KAT6A: variants seen among roughly 807,000 people sequenced by gnomAD.
The protein encoded by KAT6A is lysine acetyltransferase 6A.
KAT6A carries 9 observed loss-of-function variants against 198.4 expected under a neutral mutation model. The ratio of observed to expected loss-of-function variants is 0.05; its 90% CI spans 0.03 to 0.08. The LOEUF (loss-of-function observed/expected upper bound fraction) is 0.08, where lower values mean the gene tolerates loss of function less well. KAT6A is among the 10% of genes least tolerant of loss of function. The pLI, the probability that KAT6A is intolerant of heterozygous loss-of-function variation, is 1.00. For synonymous variants in KAT6A, 890 were observed against 883.0 expected (o/e 1.01, Z -0.14); for missense variants, 2,077 against 2,509.9 (o/e 0.83, Z 3.69).
chr8:41,943,494 A>T (rs1004155873), intron 13 of KAT6A, among the ~76,000 whole-genome samples: 8 of 152,186 alleles, frequency 5.3e-5, no homozygotes, highest in Admixed American at 1.3e-4. Flanking sequence ...AAGATGAAAG[A>T]TTCAGTAGCT....
chr8:41,941,090 C>G lies in KAT6A; in HGVS notation c.2791G>C (p.Gly931Arg), dbSNP rs779101695. 6.2e-7 allele frequency: 1 copy of G among 1,614,194 alleles called. No individual in the cohort carries two copies. The highest frequency in any genetic ancestry group is 8.5e-7 in the Non-Finnish European group (1 of 1,180,040). Residue 931 changes from glycine (G) to arginine (R), a missense_variant, in exon 15 of 17, where the codon GGG becomes CGG. Gly to Arg is a moderately radical substitution (Grantham distance 125). This residue lies in a region of KAT6A where 301 missense variants were observed against 272.2 expected (regional missense o/e 1.11). Coordinates refer to ENST00000265713, the MANE Select transcript of KAT6A (RefSeq NM_006766.5). ...VASEEQPSQD[G>R]KPDLPKRRLS... ...CTTCTCTTGGGAAGGTCAGGTTTCC[C>G]GTCCTGGCTTGGCTGCTCCTCAGAA...
intron 2 of KAT6A, among the ~76,000 whole-genome samples, chr8:42,013,971 C>T (rs1351696604): frequency 6.6e-6 from 1 of 152,148 alleles, no homozygotes; most frequent in Non-Finnish European, 1.5e-5. Context: ...GCCGCGGTAC[C>T]GTGAAAGAAG....
In KAT6A at chr8:41,929,655, A is replaced by G. The variant is rs1821428307; in HGVS notation, c.*2550T>C. On this transcript the variant is annotated 3_prime_UTR_variant, in exon 17 of 17. Transcript: ENST00000265713. The stretch of plus-strand genomic sequence containing the variant: ...AGGCATCTAGGCACCCCTTCCCCTT[A>G]GCTTACAAGTCACCATGAACAAAGT... 5.1e-6 allele frequency: 1 copy of G among 194,646 alleles called. No individual in the cohort carries two copies. Among genetic ancestry groups the G allele is most frequent in the Non-Finnish European group, 1.1e-5 (1 of 93,246 alleles). The allele number at this position is 194,646 out of a possible 1,614,324, so 12.1% of individuals were successfully genotyped here.
intron 2 of KAT6A, among the ~76,000 whole-genome samples, chr8:42,003,052 T>C (rs1825570690): frequency 6.6e-6 from 1 of 152,202 alleles, no homozygotes; most frequent in Non-Finnish European, 1.5e-5. Context: ...GCTCAGATTC[T>C]GCACACTTCA....
intron 8 of KAT6A, chr8:41,958,271 A>C (rs555412174): frequency 2.6e-5 from 4 of 152,364 alleles, no homozygotes; most frequent in African/African-American, 9.6e-5. Context: ...CTATTGTGCT[A>C]GACTCTGACC....
chr8:42,050,099 G>A (rs1296495161), intron 1 of KAT6A, among the ~76,000 whole-genome samples: 1 of 152,192 alleles, frequency 6.6e-6, no homozygotes, highest in African/African-American at 2.4e-5. Context: ...GGAAGGCCCA[G>A]AATCACTGGG....
chr8:41,957,268 C>T (rs1477057322), intron 8 of KAT6A: 1 of 565,438 alleles, frequency 1.8e-6, no homozygotes, highest in Non-Finnish European at 3.6e-6. Context: ...CACATGCGCT[C>T]ATGTGTGAGC....
chr8:41,932,089 C>A lies in KAT6A; in HGVS notation c.*116G>T. On this transcript the variant is annotated 3_prime_UTR_variant, in exon 17 of 17. Coordinates refer to ENST00000265713, the MANE Select transcript of KAT6A (RefSeq NM_006766.5). ...AATAAAATAAACCAAAGAAAAATTC[C>A]TCTAAATCTACAGCAATATTTTAAC... 2 of 1,002,468 alleles carry A rather than the reference C, an allele frequency of 2.0e-6. No individual in the cohort carries two copies. Among genetic ancestry groups the A allele is most frequent in the Non-Finnish European group, 2.6e-6 (2 of 762,470 alleles). 62.1% of individuals were successfully genotyped at this position (1,002,468 alleles called of 1,614,324 possible).
intron 2 of KAT6A, among the ~76,000 whole-genome samples, chr8:41,990,180 A>G (rs1173510729): frequency 1.3e-5 from 2 of 152,254 alleles, no homozygotes; most frequent in Admixed American, 6.5e-5. Context: ...TAGTACGGCC[A>G]AGATTTAAAT....
chr8:41,938,907 C>T (rs769983042), intron 15 of KAT6A, among the ~76,000 whole-genome samples: 5 of 147,926 alleles, frequency 3.4e-5, no homozygotes, highest in East Asian at 2.0e-4. Flanking sequence ...GAGATCATGC[C>T]GCTGCACTCC....
At chr8:42,030,633 T>C (rs939028770) in intron 2 of KAT6A, among the ~76,000 whole-genome samples, 5 of 151,990 alleles carry the variant, frequency 3.3e-5, no homozygotes, top group African/African-American at 7.3e-5. Flanking sequence ...GGCGGGATCT[T>C]GGTTCACCGC....
intron 2 of KAT6A, among the ~76,000 whole-genome samples, chr8:42,002,598 CAAAA>C (rs892489206): frequency 1.8e-4 from 28 of 152,108 alleles, no homozygotes; most frequent in African/African-American, 6.3e-4. Context: ...CAAAACAAAA[CAAAA>C]AACCCACACA....
At chr8:42,030,394 C>T (rs1207324179) in intron 2 of KAT6A, among the ~76,000 whole-genome samples, 4 of 152,120 alleles carry the variant, frequency 2.6e-5, no homozygotes, top group Admixed American at 1.3e-4. Flanking sequence ...GGTTCCTCAT[C>T]CTTTCCGTGT....
rs1427623693 is a variant in KAT6A at position 41,977,127 on chromosome 8, T to C, written c.1244A>G (p.Lys415Arg). ...CCCATCAGGGGAAGGGGTAAAAAAT[T>C]TGGTAAGGCCATCAATGAGCCCTTT... ...KTKGLIDGLT[K>R]FFTPSPDGRK... The change falls in exon 7 of 17, where the codon AAA (lysine) becomes AGA (arginine). Residue 415 changes from lysine (K) to arginine (R), a missense_variant. Transcript: ENST00000265713. 2 of 1,613,984 alleles carry C rather than the reference T, an allele frequency of 1.2e-6. No homozygotes were observed. The highest frequency in any genetic ancestry group is 1.3e-5 in the African/African-American group (1 of 74,910).
At chr8:42,021,237 TTA>T (rs1002235067) in intron 2 of KAT6A, among the ~76,000 whole-genome samples, 12 of 152,208 alleles carry the variant, frequency 7.9e-5, no homozygotes, top group African/African-American at 2.9e-4. Context: ...ATATTAAAAT[TTA>T]TGTGTTCATG....
At chr8:42,022,346 A>C (rs563623695) in intron 2 of KAT6A, among the ~76,000 whole-genome samples, 1 of 151,566 alleles carries the variant, frequency 6.6e-6, no homozygotes, top group African/African-American at 2.4e-5. Context: ...CAGCAAAAAA[A>C]CCTAGATATT....
intron 8 of KAT6A, 55 bp downstream of exon 8, chr8:41,974,649 G>T: frequency 1.9e-6 from 2 of 1,054,092 alleles, no homozygotes; most frequent in Non-Finnish European, 1.4e-6. Flanking sequence ...TTAATCTGCT[G>T]TTTCTCAGCC....
intron 2 of KAT6A, among the ~76,000 whole-genome samples, chr8:41,999,707 GCTCATT>G (rs752968082): frequency 6.6e-6 from 1 of 151,762 alleles, no homozygotes; most frequent in Non-Finnish European, 1.5e-5. Context: ...CATACTTTAC[GCTCATT>G]CTCCAGGGTA....
intron 1 of KAT6A, among the ~76,000 whole-genome samples, chr8:42,050,855 T>C (rs528804973): frequency 1.2e-4 from 19 of 152,172 alleles, no homozygotes; most frequent in African/African-American, 4.6e-4. Flanking sequence ...CTCCAGGTCT[T>C]CGGAAAGTCA....
Sources: gnomAD v4.1 joint callset for allele counts (sites outside exome capture counted in the v4.1 genomes callset) on GRCh38, gnomAD v4.1.1 for gene constraint, gnomAD v4.1.1 regional missense constraint, MANE v1.5 for transcripts, NCBI Gene and HGNC (gene_info 2026-07-23, HGNC 2026-07-21) for gene names.